WWP2: variants seen among roughly 807,000 people sequenced by gnomAD.
The protein encoded by WWP2 is NEDD4-like E3 ubiquitin-protein ligase WWP2.
A neutral mutation model predicts 121.0 loss-of-function variants in WWP2; 57 were observed. The observed-to-expected ratio is 0.47, with a 90% CI of 0.38 to 0.59. The LOEUF (loss-of-function observed/expected upper bound fraction) is 0.59, where lower values mean the gene tolerates loss of function less well. Ranked by LOEUF, WWP2 falls within the 20% of genes least tolerant of loss-of-function variation. WWP2 has a pLI of 0.00. For missense variants in WWP2, 962 were observed against 1,158.9 expected, an observed-to-expected ratio of 0.83 and a Z score of 2.47; for synonymous variants, 449 against 441.3, an observed-to-expected ratio of 1.02 and a Z score of -0.22.
intron 4 of WWP2, among the ~76,000 whole-genome samples, chr16:69,810,206 T>A (rs1401727155): frequency 6.6e-6 from 1 of 152,246 alleles, no homozygotes; most frequent in Non-Finnish European, 1.5e-5. Context: ...CTGGCTGTTT[T>A]CTGCCTGCCT....
At chr16:69,846,155 CTG>C (rs2057075616) in intron 6 of WWP2, among the ~76,000 whole-genome samples, 1 of 151,480 alleles carries the variant, frequency 6.6e-6, no homozygotes, top group Admixed American at 6.6e-5. Context: ...TGCCCACAGA[CTG>C]TGTTAATATG....
chr16:69,801,768 AT>A (rs1299991325), intron 4 of WWP2, among the ~76,000 whole-genome samples: 2 of 151,820 alleles, frequency 1.3e-5, no homozygotes, highest in African/African-American at 2.4e-5. Flanking sequence ...CTTTTAAATA[AT>A]TTTTTCCCCT....
chr16:69,798,478 G>T (rs2056092917), intron 2 of WWP2, among the ~76,000 whole-genome samples: 1 of 147,652 alleles, frequency 6.8e-6, no homozygotes, highest in Admixed American at 6.6e-5. Flanking sequence ...TTCAGGTTAG[G>T]GATTTTTTTT....
In WWP2 at chr16:69,786,639, C is replaced by G. The variant is rs550259111; in HGVS notation, c.-15-357C>G. Among the ~76,000 whole-genome samples, 48 of 151,402 alleles carry G rather than the reference C, an allele frequency of 3.2e-4. 1 individual carries two copies. The highest frequency in any genetic ancestry group is 2.5e-4 in the Non-Finnish European group (17 of 67,826). On this transcript the variant is annotated intron_variant, in intron 1 of 23. Transcript: ENST00000359154. ...ATAATTTTGTATTTTTTAGTAGAGA[C>G]GGGGTTTTGCCATGTTGGTCAGGCT... is the stretch of plus-strand genomic sequence containing the variant.
chr16:69,938,085 C>A (rs1166546200), intron 21 of WWP2, among the ~76,000 whole-genome samples: 1 of 152,058 alleles, frequency 6.6e-6, no homozygotes, highest in Non-Finnish European at 1.5e-5. Flanking sequence ...AAAAAAATAG[C>A]GATTACAGGT....
intron 12 of WWP2, 93 bp downstream of exon 12, chr16:69,929,622 A>T: frequency 1.8e-6 from 2 of 1,098,860 alleles, no homozygotes; most frequent in East Asian, 2.4e-5. Flanking sequence ...ATCGTCCCAG[A>T]GGGCTGATGT....
intron 7 of WWP2, among the ~76,000 whole-genome samples, chr16:69,873,620 A>G (rs2057682861): frequency 1.3e-5 from 2 of 152,246 alleles, no homozygotes; most frequent in South Asian, 2.1e-4. Context: ...GCCGTGAGCC[A>G]TAGTATAGAG....
intron 1 of WWP2, among the ~76,000 whole-genome samples, chr16:69,765,626 C>G (rs543994209): frequency 2.5e-4 from 38 of 152,256 alleles, no homozygotes; most frequent in Admixed American, 3.9e-4. Flanking sequence ...GATTTCAAGA[C>G]CAGCCTGACC....
intron 12 of WWP2, 98 bp from the exon 13 acceptor site, chr16:69,930,032 T>C (rs2058690181): frequency 6.4e-7 from 1 of 1,568,088 alleles, no homozygotes; most frequent in Non-Finnish European, 8.7e-7. Context: ...CCTCATGGGC[T>C]CTGCAGAGAC....
chr16:69,936,622 A>G (rs1425181169), intron 19 of WWP2, 170 bp downstream of exon 19: 2 of 955,632 alleles, frequency 2.1e-6, no homozygotes, highest in Non-Finnish European at 3.0e-6. Context: ...AGCTGGGGGA[A>G]CCAAAGCCGA....
At chr16:69,778,188 A>ATTTT (rs1294958172) in intron 1 of WWP2, among the ~76,000 whole-genome samples, 9 of 95,636 alleles carry the variant, frequency 9.4e-5, no homozygotes, top group African/African-American at 3.9e-4. Flanking sequence ...ATATATATAT[A>ATTTT]TATATTTTTT....
rs2056099063 is a variant in WWP2 at position 69,798,705 on chromosome 16, C to T, written c.94C>T (p.His32Tyr). The part of the protein sequence containing the change: ...LKVVSAKPKV[H>Y]NRQPRINSYV... Reference sequence around the variant, plus strand: ...AGTGGTGTCCGCAAAGCCCAAGGTGCATAATCGTCAACCTCGAATTAACTC... The same window carrying T: ...AGTGGTGTCCGCAAAGCCCAAGGTGTATAATCGTCAACCTCGAATTAACTC... The change falls in exon 3 of 24, where the codon CAT becomes TAT. Residue 32 changes from histidine (H) to tyrosine (Y), a missense_variant. By Grantham distance (83) the His-to-Tyr change is moderately conservative (BLOSUM62 2). Transcript: ENST00000359154. The T allele has an allele frequency of 6.2e-7, 1 of 1,613,884 alleles. No homozygotes were observed. Among genetic ancestry groups the T allele is most frequent in the African/African-American group, 1.3e-5 (1 of 74,908 alleles).
chr16:69,859,266 T>G (rs984151065), intron 6 of WWP2, among the ~76,000 whole-genome samples: 1 of 152,170 alleles, frequency 6.6e-6, no homozygotes, highest in Admixed American at 6.5e-5. Context: ...TCAAAGGTCA[T>G]TCAGGGCTGG....
intron 8 of WWP2, among the ~76,000 whole-genome samples, chr16:69,906,358 C>G (rs2058293094): frequency 1.3e-5 from 2 of 152,126 alleles, no homozygotes. Context: ...AGGTGTCAGC[C>G]ACCGCACCCG....
rs1419145769 is a variant in WWP2 at position 69,799,348 on chromosome 16, C to T, written c.340+53C>T. ...TGATTCTTGGGTGGGGATGGGAGGA[C>T]CTGGCAGATCAACCTGGTATTGCAA... On this transcript the variant is annotated intron_variant, in intron 4 of 23. Coordinates refer to ENST00000359154, the MANE Select transcript of WWP2 (RefSeq NM_001270454.2). This position sits in a 1 kb window ranked among gnomAD's most constrained non-coding sequence, Gnocchi z 4.5. 1 of 1,588,690 alleles carries T rather than the reference C, an allele frequency of 6.3e-7. No homozygotes were observed. The highest frequency in any genetic ancestry group is 1.3e-5 in the African/African-American group (1 of 74,380).
intron 4 of WWP2, among the ~76,000 whole-genome samples, chr16:69,813,159 T>TA (rs1450164398): frequency 6.6e-6 from 1 of 150,602 alleles, no homozygotes; most frequent in Non-Finnish European, 1.5e-5. Context: ...ATTTCTGGTG[T>TA]AATTTTTTTT....
intron 4 of WWP2, among the ~76,000 whole-genome samples, chr16:69,808,048 A>G (rs1687096488): frequency 6.6e-6 from 1 of 152,212 alleles, no homozygotes; most frequent in African/African-American, 2.4e-5. Context: ...ACATCAAGAC[A>G]TAGCATATTT....
At chr16:69,808,511 C>A (rs1424334552) in intron 4 of WWP2, among the ~76,000 whole-genome samples, 1 of 152,190 alleles carries the variant, frequency 6.6e-6, no homozygotes, top group Admixed American at 6.6e-5. Flanking sequence ...AAGCAGTTCT[C>A]CTGCTTCAGC....
Position 69,925,376 on chromosome 16 carries a change from T to C in WWP2, c.1180-54T>C. 1 of 1,590,714 alleles carries C rather than the reference T, an allele frequency of 6.3e-7. No individual in the cohort carries two copies. The highest frequency in any genetic ancestry group is 8.6e-7 in the Non-Finnish European group (1 of 1,167,924). ...TTATTTTTTATTGATTGATTGATTT[T>C]TTCACCAGTGGCTTTTTGTAACCTC... On this transcript the variant is annotated intron_variant, in intron 10 of 23. Coordinates refer to ENST00000359154, the MANE Select transcript of WWP2 (RefSeq NM_001270454.2). This position sits in a 1 kb window ranked among gnomAD's most constrained non-coding sequence, Gnocchi z 4.0.
Sources: allele counts gnomAD v4.1 joint callset (sites outside exome capture counted in the v4.1 genomes callset), GRCh38; gene constraint gnomAD v4.1.1; non-coding constraint Gnocchi (gnomAD v3.1); transcripts MANE v1.5; gene names NCBI Gene and HGNC (gene_info 2026-07-23, HGNC 2026-07-21).